Variants in ANXA8 observed in about 807,000 individuals in gnomAD.
ANXA8 encodes annexin A8.
In ANXA8, 9 loss-of-function variants were observed where a neutral mutation model predicts 26.8. The ratio of observed to expected loss-of-function variants is 0.34; its 90% confidence interval spans 0.20 to 0.59. The LOEUF is 0.59. Ranked by LOEUF, ANXA8 falls within the 20% of genes least tolerant of loss-of-function variation. The pLI is 0.84. For synonymous variants in ANXA8, 39 were observed against 94.8 expected (o/e 0.41, Z 3.42); for missense variants, 83 against 238.5 (o/e 0.35, Z 4.29).
the ANXA8 span, among the ~76,000 whole-genome samples, chr10:47,777,680 C>T: frequency 6.6e-6 from 1 of 152,198 alleles, no homozygotes; most frequent in Non-Finnish European, 1.5e-5. Flanking sequence ...AGGAGTATTC[C>T]CTGGGATAGA....
chr10:47,770,035 C>G, the ANXA8 span, among the ~76,000 whole-genome samples: 1 of 150,462 alleles, frequency 6.6e-6, no homozygotes, highest in East Asian at 2.0e-4. Context: ...AAAAGGGATG[C>G]CCACTTTTTT....
At chr10:47,525,477 G>A in the ANXA8 span, among the ~76,000 whole-genome samples, 1 of 138,200 alleles carries the variant, frequency 7.2e-6, no homozygotes, top group Non-Finnish European at 1.5e-5. Context: ...ACAGCATGAG[G>A]ATAACTGCCC....
At chr10:47,580,270 A>T in the ANXA8 span, among the ~76,000 whole-genome samples, 3 of 152,288 alleles carry the variant, frequency 2.0e-5, no homozygotes, top group Admixed American at 2.0e-4. Context: ...ATCAATAAGG[A>T]ACTAGAGGAA....
the ANXA8 span, among the ~76,000 whole-genome samples, chr10:47,891,593 GAAAAAA>G: frequency 9.3e-3 from 25 of 2,680 alleles, 1 homozygote; most frequent in African/African-American, 0.038. Flanking sequence ...CAAATAAATA[GAAAAAA>G]AAAAAAAAAA....
chr10:47,775,953 A>G, the ANXA8 span, among the ~76,000 whole-genome samples: 2 of 151,488 alleles, frequency 1.3e-5, no homozygotes, highest in Admixed American at 6.6e-5. Context: ...GGAGCAAGAC[A>G]GCCAGCTGCA....
chr10:47,533,224 CCCCCGCAG>C, the ANXA8 span, among the ~76,000 whole-genome samples: 36 of 132,984 alleles, frequency 2.7e-4, no homozygotes, highest in East Asian at 2.9e-3. Flanking sequence ...CACACACACA[CCCCCGCAG>C]ACACCCTAGT....
At chr10:47,743,408 G>C in the ANXA8 span, among the ~76,000 whole-genome samples, 2 of 124,648 alleles carry the variant, frequency 1.6e-5, no homozygotes, top group African/African-American at 6.0e-5. Flanking sequence ...GTGTGTGTGA[G>C]AGAGAGAGAG....
chr10:47,483,597 A>G (rs1588933691), intron 1 of ANXA8, among the ~76,000 whole-genome samples: 1 of 141,120 alleles, frequency 7.1e-6, no homozygotes, highest in Non-Finnish European at 1.5e-5. Context: ...CAACCATGAT[A>G]CCCCCTCCTT....
the ANXA8 span, among the ~76,000 whole-genome samples, chr10:47,577,138 T>C: frequency 6.7e-6 from 1 of 149,312 alleles, no homozygotes; most frequent in Non-Finnish European, 1.5e-5. Context: ...GACAGGAGAA[T>C]TGCTTGAGCC....
the ANXA8 span, among the ~76,000 whole-genome samples, chr10:47,548,865 T>C: frequency 2.6e-5 from 4 of 152,312 alleles, no homozygotes; most frequent in African/African-American, 9.6e-5. Context: ...TTTCATCTTA[T>C]GTAAACTATA....
At chr10:47,726,624 T>G in the ANXA8 span, among the ~76,000 whole-genome samples, 1 of 152,282 alleles carries the variant, frequency 6.6e-6, no homozygotes, top group Non-Finnish European at 1.5e-5. Context: ...AAAATGGATA[T>G]AGAATAAATA....
the ANXA8 span, among the ~76,000 whole-genome samples, chr10:47,511,227 G>A: frequency 2.8e-5 from 4 of 141,258 alleles, 1 homozygote; most frequent in Non-Finnish European, 6.1e-5. Context: ...ACAGGCGTGA[G>A]CCACGGCGCC....
At chr10:47,986,552 G>A in the ANXA8 span, 4 of 332,512 alleles carry the variant, frequency 1.2e-5, no homozygotes, top group African/African-American at 8.7e-5. Flanking sequence ...GGACCCACAT[G>A]GGCCAGGGCG....
intron 7 of ANXA8, 21 bp downstream of exon 7, chr10:47,474,924 G>C: frequency 1.3e-6 from 2 of 1,533,354 alleles, no homozygotes; most frequent in Non-Finnish European, 1.8e-6. Flanking sequence ...GGGCCACATG[G>C]CCGGCTGGGC....
chr10:47,480,858 GCCCA>G (rs1212732582), intron 1 of ANXA8, among the ~76,000 whole-genome samples: 2 of 48,468 alleles, frequency 4.1e-5, no homozygotes, highest in African/African-American at 1.3e-4. Context: ...CTATGCACCC[GCCCA>G]TCCATCCATC....
chr10:47,895,240 G>C, the ANXA8 span, among the ~76,000 whole-genome samples: 1 of 152,158 alleles, frequency 6.6e-6, no homozygotes, highest in African/African-American at 2.4e-5. Flanking sequence ...TGACTGGGGA[G>C]CACCGGCCAT....
chr10:47,958,856 A>G, the ANXA8 span, among the ~76,000 whole-genome samples: 1 of 149,846 alleles, frequency 6.7e-6, no homozygotes, highest in Non-Finnish European at 1.5e-5. Context: ...CACTATCATG[A>G]GAACAGCATG....
the ANXA8 span, among the ~76,000 whole-genome samples, chr10:47,957,467 T>G: frequency 1.3e-5 from 2 of 150,584 alleles, no homozygotes; most frequent in Admixed American, 1.3e-4. Flanking sequence ...CCGGCCTCAG[T>G]CAGGCCCAGG....
chr10:47,936,238 A>AATTTATTTATTTATTT, the ANXA8 span, among the ~76,000 whole-genome samples: 1 of 72,428 alleles, frequency 1.4e-5, no homozygotes, highest in East Asian at 9.0e-4. Context: ...GATGTGCCAA[A>AATTTATTTATTTATTT]ATTTATTTAT....
Sources: gnomAD v4.1 joint callset for allele counts (sites outside exome capture counted in the v4.1 genomes callset) on GRCh38, gnomAD v4.1.1 for gene constraint, MANE v1.5 for transcripts, NCBI Gene and HGNC (gene_info 2026-07-23, HGNC 2026-07-21) for gene names.